The following RGS8 variants were observed in gnomAD, a reference collection of about 807,000 sequenced individuals.
RGS8 encodes regulator of G-protein signaling 8.
A neutral mutation model predicts 21.7 loss-of-function variants in RGS8; 8 were observed. The ratio of observed to expected loss-of-function variants is 0.37; its 90% CI spans 0.22 to 0.66. The LOEUF is 0.66. Ranked by LOEUF, RGS8 falls within the 30% of genes least tolerant of loss-of-function variation. The pLI, the probability that RGS8 is intolerant of heterozygous loss-of-function variation, is 0.59. For missense variants in RGS8, 157 were observed against 217.9 expected (o/e 0.72, Z 1.76); for synonymous variants, 80 against 83.6 (o/e 0.96, Z 0.24).
chr1:182,709,964 C>A, the RGS8 span, among the ~76,000 whole-genome samples: 15 of 152,270 alleles, frequency 9.9e-5, no homozygotes, highest in African/African-American at 3.1e-4. Flanking sequence ...TCTGGGACAG[C>A]GCTGTCAGAA....
the RGS8 span, among the ~76,000 whole-genome samples, chr1:182,693,233 G>A: frequency 6.6e-6 from 1 of 151,996 alleles, no homozygotes; most frequent in Non-Finnish European, 1.5e-5. Flanking sequence ...ATCCAACAAA[G>A]GTTTAATATC....
At chr1:182,666,620 A>G (rs756590997) in intron 4 of RGS8, among the ~76,000 whole-genome samples, 1 of 151,802 alleles carries the variant, frequency 6.6e-6, no homozygotes, top group Non-Finnish European at 1.5e-5. Flanking sequence ...TGCCACCCAC[A>G]GTTTTATGAG....
intron 3 of RGS8, 138 bp downstream of exon 4, chr1:182,669,486 G>A: frequency 8.0e-7 from 1 of 1,249,882 alleles, no homozygotes; most frequent in Non-Finnish European, 1.2e-6. Context: ...GTTCACACAG[G>A]AGGCCTATGG....
At chr1:182,731,632 A>T in the RGS8 span, among the ~76,000 whole-genome samples, 1 of 152,186 alleles carries the variant, frequency 6.6e-6, no homozygotes, top group African/African-American at 2.4e-5. Flanking sequence ...ACAAACACAC[A>T]CACAGAAACT....
chr1:182,678,966 A>G (rs1394430849), intron 1 of RGS8, among the ~76,000 whole-genome samples: 1 of 152,016 alleles, frequency 6.6e-6, no homozygotes, highest in Non-Finnish European at 1.5e-5. Context: ...CTACTAATCT[A>G]TCCATATTAC....
intron 1 of RGS8, among the ~76,000 whole-genome samples, chr1:182,682,480 T>G (rs1414473886): frequency 6.6e-6 from 1 of 152,102 alleles, no homozygotes; most frequent in Non-Finnish European, 1.5e-5. Flanking sequence ...GAGCCTCAAT[T>G]TGTTCTAGGA....
intron 5 of RGS8, among the ~76,000 whole-genome samples, chr1:182,650,513 A>C (rs1557883251): frequency 6.6e-6 from 1 of 152,216 alleles, no homozygotes; most frequent in Non-Finnish European, 1.5e-5. Context: ...CCCAACACTA[A>C]GCTTGAAGTC....
chr1:182,648,899 G>A (rs768615319), intron 5 of RGS8, among the ~76,000 whole-genome samples: 10 of 152,106 alleles, frequency 6.6e-5, no homozygotes, highest in Admixed American at 1.3e-4. Flanking sequence ...TCAGGAGTTC[G>A]AGACCAGCCT....
intron 5 of RGS8, among the ~76,000 whole-genome samples, chr1:182,660,640 T>C (rs145861743): frequency 6.7e-6 from 1 of 149,754 alleles, no homozygotes; most frequent in Non-Finnish European, 1.5e-5. Context: ...GTCTGAGCAC[T>C]TTGGAAAGCT....
chr1:182,660,668 C>G (rs1010032461), intron 5 of RGS8, among the ~76,000 whole-genome samples: 1 of 149,728 alleles, frequency 6.7e-6, no homozygotes, highest in African/African-American at 2.5e-5. Context: ...GAGATACAGT[C>G]TTTAGTATGT....
chr1:182,697,547 G>A, the RGS8 span, among the ~76,000 whole-genome samples: 2 of 152,312 alleles, frequency 1.3e-5, no homozygotes, highest in African/African-American at 4.8e-5. Context: ...AACTCCGGCT[G>A]ACAACTGTAA....
chr1:182,741,504 C>A, the RGS8 span, among the ~76,000 whole-genome samples: 266 of 136,470 alleles, frequency 1.9e-3, 1 homozygote, highest in Non-Finnish European at 2.1e-3. Context: ...GGGGGCTGAC[C>A]CCGCCACCTC....
intron 1 of RGS8, among the ~76,000 whole-genome samples, chr1:182,680,040 G>C (rs938446911): frequency 6.6e-6 from 1 of 151,924 alleles, no homozygotes; most frequent in African/African-American, 2.4e-5. Flanking sequence ...CTCCATCCTC[G>C]CTACCACTGC....
At chr1:182,644,936 A>G (rs921664986), downstream of RGS8, 4 of 152,174 alleles carry the variant, frequency 2.6e-5, no homozygotes, top group African/African-American at 9.7e-5. Flanking sequence ...GGGCTAGGAG[A>G]CATGTGTTCT....
At chr1:182,694,866 T>C in the RGS8 span, among the ~76,000 whole-genome samples, 4 of 152,000 alleles carry the variant, frequency 2.6e-5, no homozygotes, top group African/African-American at 9.7e-5. Flanking sequence ...AAGAAAATTT[T>C]AACGTCAGAA....
At chr1:182,747,850 A>C in the RGS8 span, among the ~76,000 whole-genome samples, 1 of 149,412 alleles carries the variant, frequency 6.7e-6, no homozygotes, top group Admixed American at 6.7e-5. Context: ...AAAAATACGA[A>C]AAAAAAAAAA....
At position 182,666,740 on chromosome 1, in the gene RGS8, T is replaced by A. The variant is rs1663881122; in HGVS notation, c.128+132A>T. Reference sequence around the variant, plus strand: ...AAAATAAACATTCCTTTCACTCACGTCCAGGGATATAAAAGGAGCTGCCAA... The same window carrying A: ...AAAATAAACATTCCTTTCACTCACGACCAGGGATATAAAAGGAGCTGCCAA... On this transcript the variant is annotated intron_variant, in intron 4 of 6. Transcript: ENST00000483095. 9 of 678,634 alleles carry A rather than the reference T, an allele frequency of 1.3e-5. No homozygotes were observed. In the South Asian group the frequency reaches 1.5e-4, roughly 11 times the overall value. 42.0% of individuals were successfully genotyped at this position (678,634 alleles called of 1,614,324 possible).
At chr1:182,730,294 A>G in the RGS8 span, among the ~76,000 whole-genome samples, 1 of 152,234 alleles carries the variant, frequency 6.6e-6, no homozygotes, top group Admixed American at 6.5e-5. Flanking sequence ...TCCAAGAAGG[A>G]TCAGTTGAGT....
chr1:182,701,057 G>T, the RGS8 span, among the ~76,000 whole-genome samples: 1 of 152,194 alleles, frequency 6.6e-6, no homozygotes, highest in Non-Finnish European at 1.5e-5. Context: ...TCTTGAGAAG[G>T]TTTTAAATGT....
Sources: gnomAD v4.1 joint callset for allele counts (sites outside exome capture counted in the v4.1 genomes callset) on GRCh38, gnomAD v4.1.1 for gene constraint, MANE v1.5 for transcripts, NCBI Gene and HGNC (gene_info 2026-07-23, HGNC 2026-07-21) for gene names.